ELAVL2: variants seen among roughly 807,000 people sequenced by gnomAD.
ELAVL2 encodes the protein ELAV like RNA binding protein 2.
In ELAVL2, 4 loss-of-function variants were observed where a neutral mutation model predicts 34.6. That is an observed-to-expected ratio of 0.12 (90% CI 0.06 to 0.26). The LOEUF (loss-of-function observed/expected upper bound fraction) is 0.26. ELAVL2 is among the 10% of genes least tolerant of loss of function. The pLI, the probability that ELAVL2 is intolerant of heterozygous loss-of-function variation, is 1.00. For missense variants in ELAVL2, 432 were observed against 442.8 expected (o/e 0.98, Z 0.22); for synonymous variants, 193 against 154.8 (o/e 1.25, Z -1.83).
intron 3 of ELAVL2, among the ~76,000 whole-genome samples, chr9:23,714,929 T>C (rs1298507348): frequency 6.6e-6 from 1 of 152,208 alleles, no homozygotes; most frequent in Non-Finnish European, 1.5e-5. Context: ...CAGTACTCAC[T>C]AGTCAGTACT....
At chr9:23,779,952 T>C (rs1441792264) in intron 1 of ELAVL2, among the ~76,000 whole-genome samples, 2 of 141,988 alleles carry the variant, frequency 1.4e-5, no homozygotes, top group Non-Finnish European at 3.0e-5. Context: ...TTTCTTTTTT[T>C]TCCCCAGAAT....
chr9:23,797,473 C>CCAG (rs1422057046), intron 1 of ELAVL2, among the ~76,000 whole-genome samples: 1 of 152,094 alleles, frequency 6.6e-6, no homozygotes, highest in African/African-American at 2.4e-5. Context: ...ATCCCAAAGG[C>CCAG]CAGCTATTGG....
chr9:23,816,549 AC>A (rs2063748480), intron 1 of ELAVL2, among the ~76,000 whole-genome samples: 1 of 152,106 alleles, frequency 6.6e-6, no homozygotes, highest in African/African-American at 2.4e-5. Flanking sequence ...CAAAGGAAAA[AC>A]CCAAGGATTA....
intron 5 of ELAVL2, among the ~76,000 whole-genome samples, chr9:23,700,020 A>T (rs2036643744): frequency 6.6e-6 from 1 of 151,892 alleles, no homozygotes; most frequent in Admixed American, 6.6e-5. Flanking sequence ...GTATTTTTTT[A>T]AAAGGAGCTA....
intron 1 of ELAVL2, among the ~76,000 whole-genome samples, chr9:23,784,038 A>G (rs750179159): frequency 2.6e-5 from 4 of 152,096 alleles, no homozygotes; most frequent in Non-Finnish European, 5.9e-5. Context: ...ACTAAAAAAA[A>G]TACAAAAAAA....
intron 2 of ELAVL2, among the ~76,000 whole-genome samples, chr9:23,733,032 T>C (rs1011522707): frequency 1.3e-5 from 2 of 152,074 alleles, no homozygotes; most frequent in Non-Finnish European, 2.9e-5. Context: ...CATACTGCTA[T>C]TCTATGACAA....
chr9:23,704,307 G>A (rs1250475952), intron 4 of ELAVL2, among the ~76,000 whole-genome samples: 1 of 152,008 alleles, frequency 6.6e-6, no homozygotes, highest in Non-Finnish European at 1.5e-5. Flanking sequence ...TATTGCTATA[G>A]CTTTGTTAAC....
chr9:23,706,217 A>C (rs2039282577), intron 3 of ELAVL2, among the ~76,000 whole-genome samples: 3 of 152,154 alleles, frequency 2.0e-5, no homozygotes, highest in African/African-American at 7.2e-5. Context: ...ACCAAATCCC[A>C]CAAGGACGAA....
chr9:23,789,997 T>G (rs938071753), intron 1 of ELAVL2, among the ~76,000 whole-genome samples: 1 of 152,058 alleles, frequency 6.6e-6, no homozygotes, highest in African/African-American at 2.4e-5. Context: ...AAACCAAAGT[T>G]TTCAAAGGGC....
chr9:23,741,288 C>A (rs562606171), intron 2 of ELAVL2, among the ~76,000 whole-genome samples: 1 of 152,140 alleles, frequency 6.6e-6, no homozygotes, highest in Non-Finnish European at 1.5e-5. Flanking sequence ...ACCGACCCCC[C>A]ATCCTGGAAG....
At chr9:23,767,088 A>G (rs562751310) in intron 1 of ELAVL2, among the ~76,000 whole-genome samples, 1 of 152,340 alleles carries the variant, frequency 6.6e-6, no homozygotes, top group South Asian at 2.1e-4. Context: ...AGAATATTCT[A>G]AACTTTCACT....
intron 4 of ELAVL2, 116 bp from the exon 5 acceptor site, chr9:23,701,720 C>A: frequency 9.4e-7 from 1 of 1,062,320 alleles, no homozygotes. Flanking sequence ...CTACATATAA[C>A]ATTTCCCACA....
chr9:23,692,368 A>C lies in ELAVL2; in HGVS notation c.*189T>G. 1.6e-6 allele frequency: 1 copy of C among 635,322 alleles called. No individual in the cohort carries two copies. 39.4% of individuals were successfully genotyped at this position (635,322 alleles called of 1,614,324 possible). A position where few individuals can be genotyped will look rare whatever the true frequency, so the allele number is the denominator to read the frequency against. On this transcript the variant is annotated 3_prime_UTR_variant, in exon 7 of 7. Coordinates refer to ENST00000397312, the MANE Select transcript of ELAVL2 (RefSeq NM_004432.5). ...CCTCTTGTCCATATTCAAACATAAA[A>C]GATATTTAAGAAGTTTTAATTCAAA...
At chr9:23,801,684 G>A (rs1469661902) in intron 1 of ELAVL2, among the ~76,000 whole-genome samples, 1 of 152,184 alleles carries the variant, frequency 6.6e-6, no homozygotes, top group Non-Finnish European at 1.5e-5. Flanking sequence ...GAATGTTCAC[G>A]CATTAGTTAT....
Position 23,728,790 on chromosome 9 carries a change from G to A in ELAVL2, c.333+2232C>T, listed in dbSNP as rs142514924. On this transcript the variant is annotated intron_variant, in intron 3 of 6. Transcript: ENST00000397312. ...ACATAGAAAGAACAAACAGGCAAAGGGGGTGCTATATACTTGTGGGAAATG... is the reference window on the plus strand; with the variant it reads ...ACATAGAAAGAACAAACAGGCAAAGAGGGTGCTATATACTTGTGGGAAATG... 9.7e-4 allele frequency among the ~76,000 whole-genome samples: 148 copies of A among 152,128 alleles called. 1 individual carries two copies. Among genetic ancestry groups the A allele is most frequent in the African/African-American group, 3.3e-3 (137 of 41,526 alleles).
intron 1 of ELAVL2, among the ~76,000 whole-genome samples, chr9:23,770,418 T>C (rs995912055): frequency 6.6e-6 from 1 of 152,160 alleles, no homozygotes; most frequent in Non-Finnish European, 1.5e-5. Flanking sequence ...GAATATGTTA[T>C]GTTACATGAC....
At chr9:23,737,128 G>T (rs1344422669) in intron 2 of ELAVL2, among the ~76,000 whole-genome samples, 2 of 152,126 alleles carry the variant, frequency 1.3e-5, no homozygotes, top group Non-Finnish European at 2.9e-5. Flanking sequence ...TCCCTCACTA[G>T]ACTGCTGAGC....
rs546618820 is a variant in ELAVL2, at chr9:23,800,465, C to A, written c.-16+25341G>T. 2.6e-5 allele frequency among the ~76,000 whole-genome samples: 4 copies of A among 152,270 alleles called. No homozygotes were observed. The South Asian group carries it at 8.3e-4, about 32-fold the overall frequency. On this transcript the variant is annotated intron_variant, in intron 1 of 6. Coordinates refer to ENST00000397312, the MANE Select transcript of ELAVL2 (RefSeq NM_004432.5). ...CACCATGCTTACATGAGGAGAAGGA[C>A]CTCACAAGCTGCAGAACATGTCCAG...
intron 2 of ELAVL2, among the ~76,000 whole-genome samples, chr9:23,756,177 CAGCA>C (rs1030191077): frequency 1.7e-4 from 26 of 152,152 alleles, no homozygotes; most frequent in African/African-American, 6.3e-4. Context: ...GTAAAATTCT[CAGCA>C]AGCAGAGACA....
Sources: allele counts gnomAD v4.1 joint callset (sites outside exome capture counted in the v4.1 genomes callset), GRCh38; gene constraint gnomAD v4.1.1; transcripts MANE v1.5; gene names NCBI Gene and HGNC (gene_info 2026-07-23, HGNC 2026-07-21).